Variants in CHRNA7 observed in about 807,000 individuals in gnomAD.
CHRNA7 encodes the protein neuronal acetylcholine receptor subunit alpha-7.
In CHRNA7, 17 loss-of-function variants were observed where a neutral mutation model predicts 48.0. That is an observed-to-expected ratio of 0.35 (90% CI 0.24 to 0.53). CHRNA7 has a LOEUF of 0.53. Ranked by LOEUF, CHRNA7 falls within the 20% of genes least tolerant of loss-of-function variation. CHRNA7 has a pLI of 0.92. For missense variants in CHRNA7, 155 were observed against 577.7 expected (o/e 0.27, Z 7.50); for synonymous variants, 75 against 242.3 (o/e 0.31, Z 6.41).
chr15:32,139,517 C>T (rs1046764865), intron 4 of CHRNA7, among the ~76,000 whole-genome samples: 3 of 152,162 alleles, frequency 2.0e-5, no homozygotes, highest in East Asian at 3.9e-4. Context: ...GCATCCTTGC[C>T]AGCATTTGGT....
At chr15:32,123,519 A>G (rs1323941116) in intron 4 of CHRNA7, among the ~76,000 whole-genome samples, 4 of 152,220 alleles carry the variant, frequency 2.6e-5, no homozygotes, top group African/African-American at 7.2e-5. Context: ...AAGACATTTG[A>G]GATTAAACAG....
upstream of CHRNA7, chr15:32,030,506 C>A (rs1281024185): frequency 2.4e-6 from 3 of 1,271,588 alleles, no homozygotes; most frequent in Non-Finnish European, 3.0e-6. Context: ...GCGAGCCGAG[C>A]GGCGAGGTGC....
intron 1 of CHRNA7, 83 bp from the exon 2 acceptor site, chr15:32,030,815 G>A: frequency 2.6e-6 from 4 of 1,534,202 alleles, no homozygotes; most frequent in Non-Finnish European, 3.5e-6. Context: ...CCGGGTGGGC[G>A]GCGGGGGACG....
chr15:32,108,240 C>G (rs1170421453), intron 3 of CHRNA7, among the ~76,000 whole-genome samples: 1 of 152,118 alleles, frequency 6.6e-6, no homozygotes, highest in Non-Finnish European at 1.5e-5. Context: ...TCAATGGCCC[C>G]TTCCTCCCTT....
At chr15:32,033,134 G>C (rs1901924756) in intron 2 of CHRNA7, among the ~76,000 whole-genome samples, 1 of 152,116 alleles carries the variant, frequency 6.6e-6, no homozygotes, top group Non-Finnish European at 1.5e-5. Context: ...CCTTAGCCGT[G>C]GTATTGGCTG....
chr15:32,065,728 G>A (rs968715766), intron 2 of CHRNA7, among the ~76,000 whole-genome samples: 47 of 152,238 alleles, frequency 3.1e-4, no homozygotes, highest in African/African-American at 8.9e-4. Flanking sequence ...GGCTGTGTGC[G>A]GAAGGTGTGC....
At chr15:32,144,867 C>A (rs1486404985) in intron 4 of CHRNA7, among the ~76,000 whole-genome samples, 1 of 152,148 alleles carries the variant, frequency 6.6e-6, no homozygotes, top group African/African-American at 2.4e-5. Flanking sequence ...CGAACATGCT[C>A]CTTTAGCTTG....
At chr15:32,065,663 C>T (rs897050664) in intron 2 of CHRNA7, among the ~76,000 whole-genome samples, 3 of 152,394 alleles carry the variant, frequency 2.0e-5, no homozygotes, top group African/African-American at 7.2e-5. Context: ...TCTGACTGAC[C>T]TTGAGACTGT....
chr15:32,146,713 G>A (rs1373752878), intron 4 of CHRNA7, among the ~76,000 whole-genome samples: 1 of 152,152 alleles, frequency 6.6e-6, no homozygotes, highest in Non-Finnish European at 1.5e-5. Context: ...GTTTATGCCT[G>A]GGAAAACTCA....
chr15:32,101,174 T>C (rs999662720), intron 2 of CHRNA7, 129 bp from the exon 3 acceptor site: 32 of 876,710 alleles, frequency 3.7e-5, no homozygotes, highest in Non-Finnish European at 5.5e-5. Context: ...ATATTGGAAG[T>C]GCTTGGTGCA....
chr15:32,128,171 C>T lies in CHRNA7; in HGVS notation c.350+16272C>T, dbSNP rs191590997. ...TGTTTTATTAATCTAGATATCTCTT[C>T]CTCTATTATAGTCTTTTGCTTTCAT... On this transcript the variant is annotated intron_variant, in intron 4 of 9. Transcript: ENST00000306901. Among the ~76,000 whole-genome samples the T allele has an allele frequency of 1.2e-3, 181 of 152,068 alleles. 5 individuals are homozygous for T. Among genetic ancestry groups the T allele is most frequent in the Non-Finnish European group, 1.1e-3 (75 of 67,850 alleles).
chr15:32,118,114 T>C (rs1310574131), intron 4 of CHRNA7, among the ~76,000 whole-genome samples: 2 of 152,098 alleles, frequency 1.3e-5, no homozygotes, highest in African/African-American at 4.8e-5. Flanking sequence ...ATCATGGGAA[T>C]GGGACTGATA....
At chr15:32,108,910 C>T (rs1421907399) in intron 3 of CHRNA7, among the ~76,000 whole-genome samples, 2 of 152,288 alleles carry the variant, frequency 1.3e-5, no homozygotes, top group East Asian at 3.9e-4. Flanking sequence ...GCTCACGCCG[C>T]TAGTCTCTGC....
chr15:32,135,821 G>A (rs549134750), intron 4 of CHRNA7, among the ~76,000 whole-genome samples: 12 of 152,274 alleles, frequency 7.9e-5, no homozygotes, highest in East Asian at 1.9e-4. Flanking sequence ...TCCTAGAAGC[G>A]ATGAGAGAAA....
intron 2 of CHRNA7, among the ~76,000 whole-genome samples, chr15:32,096,612 C>CT (rs200404290): frequency 2.4e-4 from 34 of 143,824 alleles, no homozygotes; most frequent in African/African-American, 7.7e-4. Flanking sequence ...TATGTTTTTG[C>CT]TTTTTTTTTT....
intron 4 of CHRNA7, among the ~76,000 whole-genome samples, chr15:32,148,615 C>A (rs535891075): frequency 2.4e-4 from 36 of 152,334 alleles, no homozygotes; most frequent in African/African-American, 8.2e-4. Context: ...TCCACCTGTG[C>A]CCCATGGGCT....
At chr15:32,132,369 G>C (rs1037877279) in intron 4 of CHRNA7, among the ~76,000 whole-genome samples, 1 of 152,102 alleles carries the variant, frequency 6.6e-6, no homozygotes, top group Non-Finnish European at 1.5e-5. Flanking sequence ...CTGTCACAAA[G>C]GTGTGATCCC....
Position 32,125,499 on chromosome 15 carries a change from C to T in CHRNA7, c.350+13600C>T, listed in dbSNP as rs148534100. Among the ~76,000 whole-genome samples the T allele has an allele frequency of 2.0e-4, 31 of 152,052 alleles. No homozygotes were observed. In the East Asian group the frequency reaches 6.0e-3, roughly 30 times the overall value. ...GTCAAGGACTTAGAACTGCTGTGCC[C>T]GGGCTGCCTAGTAGACTCTAGAGAC... On this transcript the variant is annotated intron_variant, in intron 4 of 9. Coordinates refer to ENST00000306901, the MANE Select transcript of CHRNA7 (RefSeq NM_000746.6).
intron 2 of CHRNA7, 41 bp downstream of exon 2, chr15:32,031,078 TG>T (rs1254896250): frequency 6.2e-7 from 1 of 1,610,982 alleles, no homozygotes. Flanking sequence ...CTCCCCTTCC[TG>T]GGCTCCGAGG....
Sources: allele counts gnomAD v4.1 joint callset (sites outside exome capture counted in the v4.1 genomes callset), GRCh38; gene constraint gnomAD v4.1.1; transcripts MANE v1.5; gene names NCBI Gene and HGNC (gene_info 2026-07-23, HGNC 2026-07-21).